The following RC3H1 variants were observed in gnomAD, a reference collection of about 807,000 sequenced individuals.
RC3H1 encodes the protein ring finger and CCCH-type domains 1.
In RC3H1, 50 loss-of-function variants were observed where a neutral mutation model predicts 138.2. The observed-to-expected ratio is 0.36, with a 90% CI of 0.29 to 0.46. The LOEUF (loss-of-function observed/expected upper bound fraction) is 0.46, where lower values mean the gene tolerates loss of function less well. RC3H1 is among the 20% of genes least tolerant of loss of function. RC3H1 has a pLI of 1.00. For missense variants in RC3H1, 1,031 were observed against 1,388.1 expected (o/e 0.74, Z 4.09); for synonymous variants, 462 against 489.1 (o/e 0.94, Z 0.73).
intron 1 of RC3H1, among the ~76,000 whole-genome samples, chr1:174,008,412 G>C (rs2103086247): frequency 6.6e-6 from 1 of 152,226 alleles, no homozygotes; most frequent in East Asian, 1.9e-4. Context: ...AAGAAAGAAG[G>C]AAGCAGAAGC....
At chr1:173,966,028 G>C (rs979939256) in intron 9 of RC3H1, among the ~76,000 whole-genome samples, 1 of 152,076 alleles carries the variant, frequency 6.6e-6, no homozygotes, top group African/African-American at 2.4e-5. Context: ...TGTGGTCCCA[G>C]CTACTCGGGA....
chr1:174,020,174 C>T (rs544894782), intron 1 of RC3H1, among the ~76,000 whole-genome samples: 9 of 148,970 alleles, frequency 6.0e-5, no homozygotes, highest in Non-Finnish European at 1.0e-4. Flanking sequence ...ACCTGAAAAA[C>T]GGTGTCCTTT....
intron 7 of RC3H1, among the ~76,000 whole-genome samples, chr1:173,978,196 T>G (rs999312036): frequency 6.6e-6 from 1 of 152,102 alleles, no homozygotes; most frequent in Non-Finnish European, 1.5e-5. Context: ...GTAAGAATGG[T>G]AAAATACAAC....
chr1:173,976,166 G>C (rs1660571810), intron 7 of RC3H1, among the ~76,000 whole-genome samples: 1 of 152,042 alleles, frequency 6.6e-6, no homozygotes, highest in Non-Finnish European at 1.5e-5. Flanking sequence ...GCCAGGCATG[G>C]TGGCTCATGC....
At chr1:173,975,375 T>C (rs1437149391) in intron 7 of RC3H1, among the ~76,000 whole-genome samples, 2 of 151,982 alleles carry the variant, frequency 1.3e-5, no homozygotes, top group Non-Finnish European at 2.9e-5. Context: ...ATTACAGGCG[T>C]GAGCCACTGC....
intron 1 of RC3H1, among the ~76,000 whole-genome samples, chr1:174,007,236 A>C (rs1311985773): frequency 6.6e-6 from 1 of 151,832 alleles, no homozygotes; most frequent in Non-Finnish European, 1.5e-5. Context: ...AAAAATACAA[A>C]AAAATTAGCC....
intron 1 of RC3H1, among the ~76,000 whole-genome samples, chr1:173,997,907 C>A (rs950650090): frequency 6.6e-6 from 1 of 152,086 alleles, no homozygotes; most frequent in African/African-American, 2.4e-5. Flanking sequence ...ATTTCCATTT[C>A]CTCATTCTTT....
intron 13 of RC3H1, among the ~76,000 whole-genome samples, chr1:173,952,815 T>C (rs1659472556): frequency 6.6e-6 from 1 of 152,218 alleles, no homozygotes; most frequent in Non-Finnish European, 1.5e-5. Flanking sequence ...ATTTATAAAA[T>C]GTTTTACATT....
intron 18 of RC3H1, among the ~76,000 whole-genome samples, chr1:173,942,952 A>G (rs1195491530): frequency 6.6e-6 from 1 of 152,228 alleles, no homozygotes; most frequent in Non-Finnish European, 1.5e-5. Context: ...AATCCTAAGC[A>G]TATTAATGGA....
intron 14 of RC3H1, among the ~76,000 whole-genome samples, chr1:173,950,454 G>T (rs12061013): frequency 0.13 from 16,976 of 128,426 alleles, 3,543 homozygotes; most frequent in African/African-American, 0.47. Flanking sequence ...GCTGAGCATA[G>T]TATCACACAT....
intron 14 of RC3H1, among the ~76,000 whole-genome samples, chr1:173,948,099 A>G (rs1342113619): frequency 6.6e-6 from 1 of 152,152 alleles, no homozygotes; most frequent in Non-Finnish European, 1.5e-5. Flanking sequence ...AAGCTCCCGC[A>G]CTAAGCCCCA....
In RC3H1 at chr1:173,982,897, G is replaced by C. The variant is rs1660878712; in HGVS notation, c.598C>G (p.Gln200Glu). Residue 200 changes from glutamine to glutamate, a missense_variant, in exon 5 of 20, where the codon CAG (glutamine) becomes GAG (glutamate). This residue lies in a region of RC3H1 where 53 missense variants were observed against 137.4 expected (regional missense o/e 0.39). Transcript: ENST00000367696. ...RGCQFLGPAM[Q>E]EEALKLVLLA... ...AGAACCAACTTTAAAGCTTCCTCCT[G>C]CATTGCTAGGGAAAGTTGGGCAAAA... 1.9e-6 allele frequency: 3 copies of C among 1,604,612 alleles called. No homozygotes were observed. Among genetic ancestry groups the C allele is most frequent in the Non-Finnish European group, 2.5e-6 (3 of 1,176,806 alleles).
In RC3H1 at chr1:173,947,452, G is replaced by A. The variant is rs1234342566; in HGVS notation, c.2654C>T (p.Thr885Ile). 1.2e-6 allele frequency: 2 copies of A among 1,614,074 alleles called. No individual in the cohort carries two copies. The highest frequency in any genetic ancestry group is 1.7e-6 in the Non-Finnish European group (2 of 1,180,010). The change falls in exon 15 of 20, where the codon ACT becomes ATT. Residue 885 changes from threonine to isoleucine, a missense_variant. This residue lies in a region of RC3H1 where 716 missense variants were observed against 837.9 expected (regional missense o/e 0.85). Transcript: ENST00000367696. ...AGCACCCTGATATATAGTTTTGGAAGTTCGTGAGATGGCACCAAACCGAGA... is the reference window on the plus strand; with the variant it reads ...AGCACCCTGATATATAGTTTTGGAAATTCGTGAGATGGCACCAAACCGAGA... ...TVSRFGAISR[T>I]SKTIYQGAGP...
intron 13 of RC3H1, among the ~76,000 whole-genome samples, chr1:173,960,079 G>A (rs970458538): frequency 7.3e-6 from 1 of 136,534 alleles, no homozygotes; most frequent in African/African-American, 3.0e-5. Context: ...CTGTACTCTG[G>A]CCTGGGCAAC....
intron 1 of RC3H1, 33 bp from the exon 2 acceptor site, chr1:173,993,168 GTCTT>G (rs1216228264): frequency 5.2e-6 from 3 of 573,436 alleles, no homozygotes; most frequent in African/African-American, 1.9e-5. Flanking sequence ...AAAATTGAGT[GTCTT>G]TCTTTTCAAT....
chr1:173,970,690 T>A (rs1025516128), intron 8 of RC3H1, 73 bp from the exon 9 acceptor site: 4 of 959,240 alleles, frequency 4.2e-6, no homozygotes, highest in Non-Finnish European at 4.9e-6. Flanking sequence ...GTTGTCATTT[T>A]AGGATCTTGA....
intron 1 of RC3H1, among the ~76,000 whole-genome samples, chr1:173,994,030 A>G (rs1373736652): frequency 6.6e-6 from 1 of 150,720 alleles, no homozygotes; most frequent in Admixed American, 6.6e-5. Flanking sequence ...CAGAAAAAAA[A>G]AAAAAAAAAA....
rs143743016 is a variant in RC3H1 at position 173,990,534 on chromosome 1, C to T, written c.231+2221G>A. On this transcript the variant is annotated intron_variant, in intron 2 of 19. Transcript: ENST00000367696. ...CTTTATTAAGGGCCTATGTACCAGA[C>T]AGTCTTTCTTACGTGTGTAAGAAAA... Among the ~76,000 whole-genome samples, 305 of 151,124 alleles carry T rather than the reference C, an allele frequency of 2.0e-3. 2 individuals carry two copies. Among genetic ancestry groups the T allele is most frequent in the African/African-American group, 7.1e-3 (291 of 41,030 alleles).
chr1:173,955,126 T>C (rs951804514), intron 13 of RC3H1, among the ~76,000 whole-genome samples: 14 of 146,476 alleles, frequency 9.6e-5, no homozygotes. Flanking sequence ...CTCGGGAGGC[T>C]GAGGCGGGAG....
Sources: allele counts gnomAD v4.1 joint callset (sites outside exome capture counted in the v4.1 genomes callset), GRCh38; gene constraint gnomAD v4.1.1; regional missense constraint gnomAD v4.1.1; transcripts MANE v1.5; gene names NCBI Gene and HGNC (gene_info 2026-07-23, HGNC 2026-07-21).